Variants in MEI4 observed in about 807,000 individuals in gnomAD.
MEI4 encodes the protein meiosis-specific protein MEI4.
Under a neutral mutation model 31.4 loss-of-function variants are expected in MEI4, and 27 were observed. The ratio of observed to expected loss-of-function variants is 0.86; its 90% CI spans 0.63 to 1.19. The LOEUF is 1.19. MEI4 is among the 50% of genes most tolerant of loss of function. The pLI is 0.00. For synonymous variants in MEI4, 122 were observed against 145.4 expected, an observed-to-expected ratio of 0.84 and a Z score of 1.16; for missense variants, 329 against 398.9, an observed-to-expected ratio of 0.82 and a Z score of 1.49.
intron 2 of MEI4, among the ~76,000 whole-genome samples, chr6:77,699,189 C>CTTTTTTT (rs70974682): frequency 1.8e-5 from 2 of 113,784 alleles, no homozygotes; most frequent in African/African-American, 3.4e-5. Flanking sequence ...TTCAAAGTTT[C>CTTTTTTT]TTTTTTTTTT....
intron 1 of MEI4, among the ~76,000 whole-genome samples, chr6:77,672,240 C>A (rs2127646068): frequency 6.6e-6 from 1 of 152,298 alleles, no homozygotes; most frequent in Non-Finnish European, 1.5e-5. Context: ...TTGACACATG[C>A]TTTTTGGTGT....
chr6:77,676,042 A>G (rs1582012546), intron 1 of MEI4, among the ~76,000 whole-genome samples: 1 of 152,156 alleles, frequency 6.6e-6, no homozygotes, highest in South Asian at 2.1e-4. Context: ...CTTGTCAACC[A>G]CGAAGTTTGG....
chr6:77,691,916 G>GAA (rs11464065), intron 2 of MEI4, among the ~76,000 whole-genome samples: 61 of 150,542 alleles, frequency 4.1e-4, no homozygotes, highest in South Asian at 8.4e-4. Context: ...TGGCAAGTTA[G>GAA]AAAAAAAAAC....
intron 4 of MEI4, among the ~76,000 whole-genome samples, chr6:77,907,035 A>T (rs201807665): frequency 6.7e-6 from 1 of 149,116 alleles, no homozygotes; most frequent in Non-Finnish European, 1.5e-5. Context: ...GATCTTGGCT[A>T]TTTTTTTTTT....
At chr6:77,742,380 A>T (rs951499081) in intron 2 of MEI4, among the ~76,000 whole-genome samples, 4 of 151,902 alleles carry the variant, frequency 2.6e-5, no homozygotes, top group Admixed American at 2.0e-4. Flanking sequence ...AGTGATGGTG[A>T]GCATTTTTTC....
At position 77,699,811 on chromosome 6, in the gene MEI4, G is replaced by A. The variant is rs189114862; in HGVS notation, c.232+8908G>A. Among the ~76,000 whole-genome samples, 239 of 152,276 alleles carry A rather than the reference G, an allele frequency of 1.6e-3. 2 individuals carry two copies. The highest frequency in any genetic ancestry group is 5.4e-3 in the African/African-American group (224 of 41,560). On this transcript the variant is annotated intron_variant, in intron 2 of 4. Coordinates refer to ENST00000684080, the MANE Select transcript of MEI4 (RefSeq NM_001322247.2). ...TTCCTTCTACCATTCAGGACCCTCA[G>A]CTGCAGGTCTGTTGGAGTTTGCTGG...
chr6:77,915,812 T>C (rs1228505864), intron 4 of MEI4, among the ~76,000 whole-genome samples: 1 of 152,080 alleles, frequency 6.6e-6, no homozygotes, highest in Non-Finnish European at 1.5e-5. Flanking sequence ...CTTTTTAGAC[T>C]TGAGAAGTTT....
chr6:77,666,364 G>A (rs530602154), intron 1 of MEI4, among the ~76,000 whole-genome samples: 33 of 152,258 alleles, frequency 2.2e-4, no homozygotes, highest in South Asian at 1.0e-3. Context: ...TGGATCTTCA[G>A]TTACTTTAGG....
chr6:77,870,827 C>G (rs1771172613), intron 4 of MEI4, among the ~76,000 whole-genome samples: 1 of 152,138 alleles, frequency 6.6e-6, no homozygotes, highest in Non-Finnish European at 1.5e-5. Flanking sequence ...ACCTGCCCAT[C>G]ATATTGTTTT....
At chr6:77,667,574 A>G (rs963299169) in intron 1 of MEI4, among the ~76,000 whole-genome samples, 2 of 152,206 alleles carry the variant, frequency 1.3e-5, no homozygotes, top group Admixed American at 1.3e-4. Context: ...CACAAAGAAG[A>G]CATAGTACTT....
intron 4 of MEI4, among the ~76,000 whole-genome samples, chr6:77,892,309 A>C (rs368676904): frequency 6.6e-6 from 1 of 152,230 alleles, no homozygotes; most frequent in African/African-American, 2.4e-5. Context: ...TGGTAAGGTC[A>C]GGTTGATCTG....
intron 1 of MEI4, among the ~76,000 whole-genome samples, chr6:77,660,997 C>T (rs573472441): frequency 6.6e-6 from 1 of 152,204 alleles, no homozygotes; most frequent in East Asian, 1.9e-4. Context: ...GTCTAGCCTG[C>T]TGGAGGACTG....
chr6:77,882,972 T>G (rs1370543717), intron 4 of MEI4, among the ~76,000 whole-genome samples: 1 of 152,210 alleles, frequency 6.6e-6, no homozygotes, highest in African/African-American at 2.4e-5. Flanking sequence ...ATCTTTGATG[T>G]TAGCTAATGA....
chr6:77,845,889 T>C (rs1050915598), intron 4 of MEI4, among the ~76,000 whole-genome samples: 10 of 151,836 alleles, frequency 6.6e-5, no homozygotes, highest in African/African-American at 2.4e-4. Flanking sequence ...GTCTTGTTTT[T>C]TTTTTTTTTC....
intron 4 of MEI4, among the ~76,000 whole-genome samples, chr6:77,832,742 A>G (rs1770115826): frequency 6.6e-6 from 1 of 152,126 alleles, no homozygotes; most frequent in Non-Finnish European, 1.5e-5. Context: ...TCTATAATCT[A>G]GAAGATAAAG....
chr6:77,804,846 G>A (rs909138934), intron 3 of MEI4, among the ~76,000 whole-genome samples: 3 of 152,156 alleles, frequency 2.0e-5, no homozygotes, highest in African/African-American at 7.2e-5. Context: ...TCTAAGACAA[G>A]CATTGTCTGT....
At chr6:77,687,890 G>T (rs868107044) in intron 1 of MEI4, among the ~76,000 whole-genome samples, 1 of 152,066 alleles carries the variant, frequency 6.6e-6, no homozygotes, top group African/African-American at 2.4e-5. Context: ...CATCAAAAAA[G>T]CATGATCCAT....
chr6:77,764,947 A>T (rs1042181728), intron 3 of MEI4, among the ~76,000 whole-genome samples: 1 of 152,172 alleles, frequency 6.6e-6, no homozygotes, highest in Non-Finnish European at 1.5e-5. Flanking sequence ...AACCTATGGG[A>T]TGCAGCAAAA....
chr6:77,748,101 C>G (rs922654956), intron 2 of MEI4, among the ~76,000 whole-genome samples: 1 of 152,206 alleles, frequency 6.6e-6, no homozygotes, highest in Admixed American at 6.5e-5. Context: ...CTTTTCCAGG[C>G]ACACAGTGCA....
Sources: allele counts gnomAD v4.1 joint callset (sites outside exome capture counted in the v4.1 genomes callset), GRCh38; gene constraint gnomAD v4.1.1; transcripts MANE v1.5; gene names NCBI Gene and HGNC (gene_info 2026-07-23, HGNC 2026-07-21).